CDKAL1: variants seen among roughly 807,000 people sequenced by gnomAD.
CDKAL1 encodes the protein CDKAL1 threonylcarbamoyladenosine tRNA methylthiotransferase.
A neutral mutation model predicts 68.2 loss-of-function variants in CDKAL1; 32 were observed. That is an observed-to-expected ratio of 0.47 (90% CI 0.35 to 0.63). The LOEUF (loss-of-function observed/expected upper bound fraction) is 0.63, where lower values mean the gene tolerates loss of function less well. Ranked by LOEUF, CDKAL1 falls within the 30% of genes least tolerant of loss-of-function variation. The pLI is 0.00. For missense variants in CDKAL1, 606 were observed against 696.7 expected (o/e 0.87, Z 1.47); for synonymous variants, 234 against 244.3 (o/e 0.96, Z 0.39).
At chr6:20,570,805 A>AC (rs1378902403) in intron 4 of CDKAL1, among the ~76,000 whole-genome samples, 2 of 152,066 alleles carry the variant, frequency 1.3e-5, no homozygotes, top group Non-Finnish European at 2.9e-5. Context: ...TGGTTAGAGA[A>AC]CCCCCAAAAG....
chr6:21,187,979 C>T (rs545208972), intron 13 of CDKAL1, among the ~76,000 whole-genome samples: 1 of 152,124 alleles, frequency 6.6e-6, no homozygotes, highest in African/African-American at 2.4e-5. Context: ...AGTGTTTATT[C>T]GTTGAAAATT....
At chr6:20,910,297 T>G (rs1762411292) in intron 9 of CDKAL1, among the ~76,000 whole-genome samples, 1 of 152,038 alleles carries the variant, frequency 6.6e-6, no homozygotes, top group Non-Finnish European at 1.5e-5. Context: ...GATGTTTAGG[T>G]AATGCTGCCT....
At chr6:20,738,800 C>T (rs566093241) in intron 5 of CDKAL1, among the ~76,000 whole-genome samples, 3 of 152,286 alleles carry the variant, frequency 2.0e-5, no homozygotes, top group Admixed American at 6.5e-5. Context: ...CACCCAATTA[C>T]TTAGAATTTA....
chr6:20,722,336 A>T, intron 5 of CDKAL1: 1 of 204,650 alleles, frequency 4.9e-6, no homozygotes, highest in Non-Finnish European at 1.0e-5. Context: ...GCTTAGAACT[A>T]GTTAATTTGG....
At chr6:20,673,166 A>G (rs565515957) in intron 5 of CDKAL1, among the ~76,000 whole-genome samples, 64 of 152,322 alleles carry the variant, frequency 4.2e-4, no homozygotes, top group African/African-American at 1.4e-3. Flanking sequence ...ATGGCTTCAC[A>G]TTTATTCAGC....
chr6:21,002,561 ATAAG>A (rs1767483255), intron 11 of CDKAL1, among the ~76,000 whole-genome samples: 1 of 152,020 alleles, frequency 6.6e-6, no homozygotes, highest in Non-Finnish European at 1.5e-5. Flanking sequence ...CATTTAGATT[ATAAG>A]TAAGATATAT....
chr6:21,016,154 A>G (rs527853393), intron 11 of CDKAL1, among the ~76,000 whole-genome samples: 108 of 149,496 alleles, frequency 7.2e-4, no homozygotes, highest in Middle Eastern at 3.5e-3. Context: ...ATATATGTGT[A>G]TATATATATA....
chr6:20,745,535 C>T (rs1166383247), intron 6 of CDKAL1, among the ~76,000 whole-genome samples: 1 of 152,062 alleles, frequency 6.6e-6, no homozygotes, highest in Non-Finnish European at 1.5e-5. Context: ...TTTTCCCTTC[C>T]TTGACCTGTT....
intron 4 of CDKAL1, among the ~76,000 whole-genome samples, chr6:20,565,149 A>G (rs1764411891): frequency 6.6e-6 from 1 of 152,006 alleles, no homozygotes; most frequent in South Asian, 2.1e-4. Context: ...CTATATATAT[A>G]TATATTTTTA....
intron 4 of CDKAL1, among the ~76,000 whole-genome samples, chr6:20,551,175 C>T (rs750963521): frequency 5.3e-5 from 8 of 151,636 alleles, no homozygotes; most frequent in Non-Finnish European, 8.8e-5. Flanking sequence ...TGAGAGGTTG[C>T]GTCTTATCTT....
chr6:20,560,245 T>C (rs2127667925), intron 4 of CDKAL1, among the ~76,000 whole-genome samples: 1 of 152,366 alleles, frequency 6.6e-6, no homozygotes, highest in East Asian at 1.9e-4. Flanking sequence ...TTTCTTCTGA[T>C]TGATTTTTTA....
chr6:21,018,287 A>T (rs1440962835), intron 11 of CDKAL1, among the ~76,000 whole-genome samples: 9 of 152,208 alleles, frequency 5.9e-5, no homozygotes, highest in Admixed American at 5.9e-4. Flanking sequence ...AAGCCACGGA[A>T]AATAAATGTA....
At chr6:20,989,056 T>C (rs1297561813) in intron 10 of CDKAL1, among the ~76,000 whole-genome samples, 1 of 151,840 alleles carries the variant, frequency 6.6e-6, no homozygotes, top group Non-Finnish European at 1.5e-5. Flanking sequence ...CTCCTGCCTA[T>C]AGGCAGGGGT....
chr6:21,192,889 A>G (rs1177470837), intron 13 of CDKAL1, among the ~76,000 whole-genome samples: 2 of 147,122 alleles, frequency 1.4e-5, no homozygotes, highest in East Asian at 4.0e-4. Context: ...ATCATAGCTC[A>G]CTGCAACCTT....
intron 13 of CDKAL1, among the ~76,000 whole-genome samples, chr6:21,121,984 C>A (rs1184340235): frequency 2.0e-5 from 3 of 152,176 alleles, no homozygotes; most frequent in South Asian, 2.1e-4. Context: ...CACACAAAAC[C>A]TCTAGACCTT....
At chr6:21,104,665 G>A (rs1773760347) in intron 12 of CDKAL1, among the ~76,000 whole-genome samples, 1 of 152,166 alleles carries the variant, frequency 6.6e-6, no homozygotes, top group Non-Finnish European at 1.5e-5. Context: ...TAACTGGGCA[G>A]ATACCTATAA....
chr6:20,839,393 C>T (rs1029630276), intron 8 of CDKAL1, among the ~76,000 whole-genome samples: 1 of 151,938 alleles, frequency 6.6e-6, no homozygotes, highest in African/African-American at 2.4e-5. Flanking sequence ...TTTTTTTGTC[C>T]TATCTTGGCA....
intron 8 of CDKAL1, among the ~76,000 whole-genome samples, chr6:20,832,857 G>C (rs143207163): frequency 6.6e-6 from 1 of 152,244 alleles, no homozygotes; most frequent in Admixed American, 6.5e-5. Context: ...CCTTAATCCA[G>C]TGGCTTTACC....
intron 4 of CDKAL1, among the ~76,000 whole-genome samples, chr6:20,615,105 G>A (rs1193402124): frequency 1.9e-5 from 2 of 107,852 alleles, no homozygotes; most frequent in African/African-American, 3.6e-5. Context: ...CAAAGGACAT[G>A]AACTCATCAT....
Sources: allele counts gnomAD v4.1 joint callset (sites outside exome capture counted in the v4.1 genomes callset), GRCh38; gene constraint gnomAD v4.1.1; transcripts MANE v1.5; gene names NCBI Gene and HGNC (gene_info 2026-07-23, HGNC 2026-07-21).